Variants in ITGA2 observed in about 807,000 individuals in gnomAD.
ITGA2 encodes the protein integrin alpha-2.
ITGA2 carries 101 observed loss-of-function variants against 146.3 expected under a neutral mutation model. The ratio of observed to expected loss-of-function variants is 0.69; its 90% confidence interval spans 0.59 to 0.81. The LOEUF (loss-of-function observed/expected upper bound fraction) is 0.81, where lower values mean the gene tolerates loss of function less well. Among genes scored for constraint, ITGA2 ranks in the 40% least tolerant of loss-of-function variants. The probability of loss-of-function intolerance (pLI) is 0.00; values close to 1 mark genes in which losing one functional copy is unlikely to be tolerated. For synonymous variants in ITGA2, 477 were observed against 487.1 expected, an observed-to-expected ratio of 0.98 and a Z score of 0.27; for missense variants, 1,281 against 1,402.7, an observed-to-expected ratio of 0.91 and a Z score of 1.39.
Position 53,004,021 on chromosome 5 carries a change from A to G in ITGA2, c.64+14489A>G, listed in dbSNP as rs917397618. On this transcript the variant is annotated intron_variant, in intron 1 of 29. Coordinates refer to ENST00000296585, the MANE Select transcript of ITGA2 (RefSeq NM_002203.4). ...GGGGCCAGATAATTTTTTTTGAAGT[A>G]GTAAGGTAGGCTGGGGGTGTCTGGT... Among the ~76,000 whole-genome samples the G allele has an allele frequency of 3.3e-5, 5 of 152,034 alleles. No homozygotes were observed. The East Asian group carries it at 9.6e-4, about 29-fold the overall frequency.
At chr5:53,058,370 T>C (rs1436622005) in intron 10 of ITGA2, among the ~76,000 whole-genome samples, 1 of 151,934 alleles carries the variant, frequency 6.6e-6, no homozygotes, top group African/African-American at 2.4e-5. Context: ...GCACAGACTG[T>C]ATATTAACTT....
chr5:53,044,274 CAAAAAAAAAAAA>C (rs11421419), intron 3 of ITGA2, among the ~76,000 whole-genome samples: 15 of 37,776 alleles, frequency 4.0e-4, no homozygotes, highest in Middle Eastern at 0.031. Context: ...GACTCTGTCT[CAAAAAAAAAAAA>C]AAAAAAAAAA....
intron 13 of ITGA2, among the ~76,000 whole-genome samples, chr5:53,063,983 C>G (rs1745024837): frequency 6.6e-6 from 1 of 151,824 alleles, no homozygotes; most frequent in African/African-American, 2.4e-5. Context: ...GACCCAGTTT[C>G]ATGGTTGAGA....
In ITGA2 at chr5:53,093,205, T is replaced by C. The variant is rs1017363246; in HGVS notation, c.*2606T>C. 18 of 152,236 alleles carry C rather than the reference T, an allele frequency of 1.2e-4. No homozygotes were observed. Among genetic ancestry groups the C allele is most frequent in the African/African-American group, 4.1e-4 (17 of 41,448 alleles). The allele number at this position is 152,236 out of a possible 1,614,324, so 9.4% of individuals were successfully genotyped here. On this transcript the variant is annotated 3_prime_UTR_variant, in exon 30 of 30. Coordinates refer to ENST00000296585, the MANE Select transcript of ITGA2 (RefSeq NM_002203.4). ...AGCACATCCTTCCTTTTACTCTGTCTCACCTCCTTTAGGTGAGTACTTCCT... is the reference window on the plus strand; with the variant it reads ...AGCACATCCTTCCTTTTACTCTGTCCCACCTCCTTTAGGTGAGTACTTCCT...
At chr5:53,005,982 T>C (rs950860916) in intron 1 of ITGA2, among the ~76,000 whole-genome samples, 15 of 152,088 alleles carry the variant, frequency 9.9e-5, no homozygotes, top group Non-Finnish European at 2.1e-4. Context: ...AAACACAGCA[T>C]GTTCTCACTC....
Position 53,060,019 on chromosome 5 carries a change from C to T in ITGA2, c.1312+7C>T. ...AATCACAGTTCATATTTAGGTAAGG[C>T]ATGGTAATAATTGGCTCAGCAAACT... On this transcript the variant is annotated splice_region_variant and intron_variant, in intron 11 of 29. Coordinates refer to ENST00000296585, the MANE Select transcript of ITGA2 (RefSeq NM_002203.4). 6.2e-7 allele frequency: 1 copy of T among 1,611,922 alleles called. No homozygotes were observed. The highest frequency in any genetic ancestry group is 8.5e-7 in the Non-Finnish European group (1 of 1,178,628).
intron 10 of ITGA2, among the ~76,000 whole-genome samples, chr5:53,059,277 A>C (rs1200478083): frequency 1.3e-5 from 2 of 151,946 alleles, no homozygotes; most frequent in African/African-American, 4.8e-5. Flanking sequence ...TGTCACAGCT[A>C]AAGTTGCCTC....
intron 7 of ITGA2, 56 bp downstream of exon 7, chr5:53,051,615 G>C: frequency 6.7e-7 from 1 of 1,487,412 alleles, no homozygotes; most frequent in Non-Finnish European, 9.3e-7. Flanking sequence ...TTATATTTAT[G>C]TAATAAATAT....
rs1161349240 is a variant in ITGA2 at position 53,073,349 on chromosome 5, C to T, written c.2571+90C>T. 5.2e-6 allele frequency: 7 copies of T among 1,356,550 alleles called. No individual in the cohort carries two copies. In the East Asian group the frequency reaches 1.4e-4, roughly 27 times the overall value. 84.0% of individuals were successfully genotyped at this position (1,356,550 alleles called of 1,614,324 possible). A position where few individuals can be genotyped will look rare whatever the true frequency, so the allele number is the denominator to read the frequency against. ...ATGTCCTCTGAGTTGTTTAAAGAAGCACCTTAACCCTCAACATGATCAATC... is the reference window on the plus strand; with the variant it reads ...ATGTCCTCTGAGTTGTTTAAAGAAGTACCTTAACCCTCAACATGATCAATC... On this transcript the variant is annotated intron_variant, in intron 20 of 29. Transcript: ENST00000296585.
chr5:53,030,494 G>A (rs1357650941), intron 2 of ITGA2, among the ~76,000 whole-genome samples: 1 of 152,192 alleles, frequency 6.6e-6, no homozygotes, highest in Admixed American at 6.5e-5. Flanking sequence ...CACCATGCAA[G>A]AGGAAGAGAC....
At chr5:53,019,367 G>A (rs373838171) in intron 1 of ITGA2, among the ~76,000 whole-genome samples, 7 of 152,096 alleles carry the variant, frequency 4.6e-5, no homozygotes, top group African/African-American at 1.2e-4. Flanking sequence ...ATTGTGTATC[G>A]TTCCGAGTAG....
Position 53,080,511 on chromosome 5 carries a change from G to GT in ITGA2, c.2930dup (p.Thr978AsnfsTer39). The GT allele has an allele frequency of 6.2e-7, 1 of 1,610,736 alleles. No individual in the cohort carries two copies. Among genetic ancestry groups the GT allele is most frequent in the Non-Finnish European group, 8.5e-7 (1 of 1,177,202 alleles). ...CTGGCACATTTTATTCTCTACATAG[G>GT]TAACAACAGGAAGTGTTCCAGTAAG... On this transcript the variant is annotated frameshift_variant and splice_region_variant, in exon 25 of 30. Coordinates refer to ENST00000296585, the MANE Select transcript of ITGA2 (RefSeq NM_002203.4). LOFTEE classifies it high-confidence loss of function.
chr5:53,058,166 C>G, intron 10 of ITGA2, 65 bp downstream of exon 10: 1 of 1,194,470 alleles, frequency 8.4e-7, no homozygotes, highest in East Asian at 2.4e-5. Flanking sequence ...ACACAGTAGC[C>G]TTATACATAA....
Position 53,045,906 on chromosome 5 carries a change from A to C in ITGA2, c.387+814A>C, listed in dbSNP as rs938187940. ...TATAACCCTGTTAAAATTGTCTTAG[A>C]GAGGTTGGGCGCGGTGGCTCATGGC... is the stretch of plus-strand genomic sequence containing the variant. On this transcript the variant is annotated intron_variant, in intron 4 of 29. Transcript: ENST00000296585. 1.5e-4 allele frequency among the ~76,000 whole-genome samples: 12 copies of C among 80,008 alleles called. No homozygotes were observed. In the Admixed American group the frequency reaches 1.6e-3, roughly 10 times the overall value. The allele number at this position is 80,008 out of a possible 152,430, so 52.5% of individuals were successfully genotyped here.
chr5:53,074,017 C>A (rs1307143689), intron 20 of ITGA2, among the ~76,000 whole-genome samples: 1 of 147,694 alleles, frequency 6.8e-6, no homozygotes, highest in African/African-American at 2.5e-5. Flanking sequence ...ATTTTACTTT[C>A]TTCTCTTGAA....
chr5:53,081,590 AG>A lies in ITGA2; in HGVS notation c.3040del. 6.2e-7 allele frequency: 1 copy of A among 1,605,564 alleles called. No individual in the cohort carries two copies. Among genetic ancestry groups the A allele is most frequent in the South Asian group, 1.1e-5 (1 of 90,786 alleles). On this transcript the variant is annotated splice_acceptor_variant, in intron 25 of 29. Coordinates refer to ENST00000296585, the MANE Select transcript of ITGA2 (RefSeq NM_002203.4). LOFTEE classifies it high-confidence loss of function. ...GTCTGATCGGGTGTTCTTCTTTTATAGGCTGGTGACATCAGTTGTAATGCAG... is the reference window on the plus strand; with the variant it reads ...GTCTGATCGGGTGTTCTTCTTTTATAGCTGGTGACATCAGTTGTAATGCAG...
chr5:53,040,747 A>G (rs1349897964), intron 2 of ITGA2, among the ~76,000 whole-genome samples: 2 of 152,174 alleles, frequency 1.3e-5, no homozygotes, highest in Non-Finnish European at 2.9e-5. Flanking sequence ...GAGAGAACTT[A>G]TTAATGAACT....
chr5:53,033,241 C>T (rs978029191), intron 2 of ITGA2, among the ~76,000 whole-genome samples: 4 of 150,978 alleles, frequency 2.6e-5, no homozygotes, highest in African/African-American at 9.8e-5. Context: ...TGCAGTCTAG[C>T]CTTGGCAACA....
chr5:53,071,178 T>G (rs1745377146), intron 17 of ITGA2, among the ~76,000 whole-genome samples: 1 of 151,922 alleles, frequency 6.6e-6, no homozygotes, highest in South Asian at 2.1e-4. Context: ...GTTTAGTTCA[T>G]TTTTCAATTT....
Sources: allele counts gnomAD v4.1 joint callset (sites outside exome capture counted in the v4.1 genomes callset), GRCh38; gene constraint gnomAD v4.1.1; transcripts MANE v1.5; gene names NCBI Gene and HGNC (gene_info 2026-07-23, HGNC 2026-07-21).